ZNF98: variants seen among roughly 807,000 people sequenced by gnomAD.
ZNF98 encodes the protein zinc finger protein 98, also known as zinc finger protein 739.
In ZNF98, 8 loss-of-function variants were observed where a neutral mutation model predicts 12.8. The ratio of observed to expected loss-of-function variants is 0.63; its 90% CI spans 0.37 to 1.13. The LOEUF is 1.13. Ranked by LOEUF, ZNF98 falls within the 50% of genes most tolerant of loss-of-function variation. The pLI is 0.01. For missense variants in ZNF98, 379 were observed against 666.1 expected, an observed-to-expected ratio of 0.57 and a Z score of 4.74; for synonymous variants, 112 against 223.5, an observed-to-expected ratio of 0.50 and a Z score of 4.45.
intron 1 of ZNF98, among the ~76,000 whole-genome samples, chr19:22,405,730 G>C (rs1205075235): frequency 6.6e-6 from 1 of 152,182 alleles, no homozygotes; most frequent in Non-Finnish European, 1.5e-5. Flanking sequence ...CAGCACCACA[G>C]GTGTGGCTGC....
At chr19:22,399,954 G>T (rs1969438038) in intron 3 of ZNF98, among the ~76,000 whole-genome samples, 1 of 152,186 alleles carries the variant, frequency 6.6e-6, no homozygotes, top group South Asian at 2.1e-4. Context: ...AAAGAGCTTT[G>T]AGATCTATGG....
chr19:22,402,496 GA>G, intron 3 of ZNF98: 3 of 411,176 alleles, frequency 7.3e-6, no homozygotes, highest in Non-Finnish European at 1.3e-5. Flanking sequence ...CAAAAACAAT[GA>G]AAAAGCAGTC....
chr19:22,415,463 T>C (rs1969629351), intron 1 of ZNF98, among the ~76,000 whole-genome samples: 1 of 152,090 alleles, frequency 6.6e-6, no homozygotes, highest in African/African-American at 2.4e-5. Flanking sequence ...GCTTCTCAAC[T>C]GTATACTGGA....
intron 1 of ZNF98, among the ~76,000 whole-genome samples, chr19:22,418,726 A>T (rs1198476527): frequency 6.6e-6 from 1 of 152,040 alleles, no homozygotes; most frequent in African/African-American, 2.4e-5. Flanking sequence ...TAAAAATACT[A>T]AAAAAATTAG....
At chr19:22,418,687 T>C (rs1969672010) in intron 1 of ZNF98, among the ~76,000 whole-genome samples, 1 of 152,178 alleles carries the variant, frequency 6.6e-6, no homozygotes, top group South Asian at 2.1e-4. Flanking sequence ...GAGAGCAGCC[T>C]GGCCAACGTG....
At chr19:22,422,002 C>T (rs556622306) in intron 1 of ZNF98, among the ~76,000 whole-genome samples, 193 bp downstream of exon 1, 1 of 152,242 alleles carries the variant, frequency 6.6e-6, no homozygotes, top group Non-Finnish European at 1.5e-5. Context: ...AGAGACAGGA[C>T]GCCCGGAGCC....
intron 3 of ZNF98, among the ~76,000 whole-genome samples, chr19:22,398,142 T>G (rs1355238192): frequency 6.6e-6 from 1 of 152,112 alleles, no homozygotes; most frequent in Non-Finnish European, 1.5e-5. Flanking sequence ...GCAGGAAATA[T>G]TCTAACAACT....
At chr19:22,396,048 A>T (rs1311828219) in intron 3 of ZNF98, among the ~76,000 whole-genome samples, 2 of 42,360 alleles carry the variant, frequency 4.7e-5, no homozygotes, top group Non-Finnish European at 1.0e-4. Flanking sequence ...TAAAAGTATT[A>T]AAAAAAAACA....
Position 22,422,249 on chromosome 19 carries a change from G to A in ZNF98, c.-25C>T, listed in dbSNP as rs776711084. Reference sequence around the variant, plus strand: ...TCTTAGCTGTGGATTCCCAATACCTGCAGGTCACAGGGCCACAGAGGCTGG... The same window carrying A: ...TCTTAGCTGTGGATTCCCAATACCTACAGGTCACAGGGCCACAGAGGCTGG... On this transcript the variant is annotated 5_prime_UTR_variant, in exon 1 of 4. Coordinates refer to ENST00000357774, the MANE Select transcript of ZNF98 (RefSeq NM_001098626.2). 13 of 1,610,574 alleles carry A rather than the reference G, an allele frequency of 8.1e-6. No individual in the cohort carries two copies. The highest frequency in any genetic ancestry group is 1.3e-5 in the African/African-American group (1 of 74,786).
At chr19:22,419,133 G>A (rs1969676583) in intron 1 of ZNF98, among the ~76,000 whole-genome samples, 1 of 151,912 alleles carries the variant, frequency 6.6e-6, no homozygotes, top group African/African-American at 2.4e-5. Flanking sequence ...TTCCTTCCTT[G>A]TCTGCCTGAA....
chr19:22,399,894 G>C (rs1035198552), intron 3 of ZNF98, among the ~76,000 whole-genome samples: 3 of 152,168 alleles, frequency 2.0e-5, no homozygotes, highest in Non-Finnish European at 4.4e-5. Flanking sequence ...AGAACTTCAA[G>C]ATCAACCTGG....
rs190941426 is a variant in ZNF98 at position 22,412,623 on chromosome 19, T to C, written c.31-9111A>G. ...GAAAAACTATACAAAAGATCAAGAATTGCAGGAGTAAAATCTTAAAAAAAA... is the reference window on the plus strand; with the variant it reads ...GAAAAACTATACAAAAGATCAAGAACTGCAGGAGTAAAATCTTAAAAAAAA... On this transcript the variant is annotated intron_variant, in intron 1 of 3. Transcript: ENST00000357774. Among the ~76,000 whole-genome samples the C allele has an allele frequency of 7.7e-3, 1,122 of 145,850 alleles. 14 individuals are homozygous for C. The highest frequency in any genetic ancestry group is 0.027 in the African/African-American group (1,051 of 39,296).
chr19:22,396,701 G>T (rs75653200), intron 3 of ZNF98, among the ~76,000 whole-genome samples: 65,335 of 151,718 alleles, frequency 0.43, 14,250 homozygotes, highest in Non-Finnish European at 0.46. Context: ...ATGCAAATAT[G>T]AATCAAATGA....
Position 22,392,605 on chromosome 19 carries a change from G to A in ZNF98, c.630C>T (p.Tyr210=), listed in dbSNP as rs750246403. The A allele has an allele frequency of 2.5e-6, 4 of 1,607,166 alleles. No homozygotes were observed. Among genetic ancestry groups the A allele is most frequent in the Non-Finnish European group, 8.5e-7 (1 of 1,176,442 alleles). Residue 210 remains tyrosine, a synonymous_variant, in exon 4 of 4, where the codon TAC becomes TAT. Transcript: ENST00000357774. Reference sequence around the variant, plus strand: ...AGGCTTTCCCACATTCTTTACATTTGTAGGGTTTCTCTCCACTATGAATTC... The same window carrying A: ...AGGCTTTCCCACATTCTTTACATTTATAGGGTTTCTCTCCACTATGAATTC... ...HKRIHSGEKP[Y]KCKECGKAYN...
intron 1 of ZNF98, 32 bp downstream of exon 1, chr19:22,422,163 C>A: frequency 6.2e-7 from 1 of 1,612,804 alleles, no homozygotes; most frequent in Non-Finnish European, 8.5e-7. Context: ...GCCCCTTCTC[C>A]TCTCTAGGGA....
chr19:22,410,508 C>A (rs1227417144), intron 1 of ZNF98, among the ~76,000 whole-genome samples: 1 of 152,072 alleles, frequency 6.6e-6, no homozygotes, highest in Admixed American at 6.6e-5. Flanking sequence ...GGATAGAAAA[C>A]CAAAAACCGC....
At chr19:22,402,346 T>C (rs1453624758) in intron 3 of ZNF98, 2 of 375,162 alleles carry the variant, frequency 5.3e-6, no homozygotes, top group Non-Finnish European at 4.7e-6. Flanking sequence ...CAGAATGCAA[T>C]GTGCAGAAAA....
chr19:22,420,002 CA>C (rs923232376), intron 1 of ZNF98, among the ~76,000 whole-genome samples: 305 of 145,644 alleles, frequency 2.1e-3, no homozygotes, highest in Middle Eastern at 3.5e-3. Context: ...CTAAAAATAC[CA>C]AAAAAAAAAA....
rs770476781 is a variant in ZNF98 at position 22,392,925 on chromosome 19, A to T, written c.310T>A (p.Phe104Ile). ...LWPKQGKKNY[F>I]QKVILRTYKK... ...TATGTTCTCAGTATCACTTTTTGGA[A>T]ATAATTTTTTTTGCCCTGCTTTGGC... Residue 104 changes from phenylalanine to isoleucine, a missense_variant, in exon 4 of 4, where the codon TTC (phenylalanine) becomes ATC (isoleucine). Around this residue, in one of 8 missense-constraint regions of ZNF98, gnomAD observed 223 missense variants for 261.6 expected, o/e 0.85. Transcript: ENST00000357774. 6.3e-7 allele frequency: 1 copy of T among 1,583,722 alleles called. No individual in the cohort carries two copies. The highest frequency in any genetic ancestry group is 8.5e-7 in the Non-Finnish European group (1 of 1,169,834).
Sources: gnomAD v4.1 joint callset for allele counts (sites outside exome capture counted in the v4.1 genomes callset) on GRCh38, gnomAD v4.1.1 for gene constraint, gnomAD v4.1.1 regional missense constraint, MANE v1.5 for transcripts, NCBI Gene and HGNC (gene_info 2026-07-23, HGNC 2026-07-21) for gene names.